The following PCGF3 variants were observed in gnomAD, a reference collection of about 807,000 sequenced individuals.
The protein encoded by PCGF3 is polycomb group RING finger protein 3.
A neutral mutation model predicts 33.1 loss-of-function variants in PCGF3; 7 were observed. That is an observed-to-expected ratio of 0.21 (90% confidence interval 0.12 to 0.40). PCGF3 has a LOEUF of 0.40. Among genes scored for constraint, PCGF3 ranks in the 10% least tolerant of loss-of-function variants. The probability of loss-of-function intolerance (pLI) is 1.00; values close to 1 mark genes in which losing one functional copy is unlikely to be tolerated. For synonymous variants in PCGF3, 153 were observed against 121.3 expected, an observed-to-expected ratio of 1.26 and a Z score of -1.72; for missense variants, 211 against 313.3, an observed-to-expected ratio of 0.67 and a Z score of 2.46.
rs1182870644 is a variant in PCGF3 at position 713,304 on chromosome 4, T to C, written c.-190+7334T>C. On this transcript the variant is annotated intron_variant, in intron 1 of 10. Coordinates refer to ENST00000362003, the Ensembl canonical transcript of PCGF3. The stretch of plus-strand genomic sequence containing the variant: ...GTGGGGGCTGTGGCCTCATGGGGGC[T>C]GTAGCCTTGTGGGTCCTGTGTGGCC... 1.2e-3 allele frequency among the ~76,000 whole-genome samples: 115 copies of C among 96,354 alleles called. 4 individuals are homozygous for C. Among genetic ancestry groups the C allele is most frequent in the Middle Eastern group, 6.3e-3 (1 of 160 alleles). The allele number at this position is 96,354 out of a possible 152,430, so 63.2% of individuals were successfully genotyped here.
At chr4:766,986 C>T (rs1377995064) in exon 11 of PCGF3, 3 of 152,374 alleles carry the variant, frequency 2.0e-5, no homozygotes. Flanking sequence ...GATCAGAGCT[C>T]TCCTGGCATC....
chr4:756,587 G>T (rs1577439157), intron 8 of PCGF3, among the ~76,000 whole-genome samples: 1 of 151,986 alleles, frequency 6.6e-6, no homozygotes, highest in Non-Finnish European at 1.5e-5. Flanking sequence ...AATAATTCTA[G>T]AATTTTCATG....
exon 11 of PCGF3, chr4:769,585 CAG>C (rs1166243119): frequency 1.7e-4 from 26 of 152,768 alleles, no homozygotes; most frequent in African/African-American, 5.1e-4. Flanking sequence ...TTGTACGGGA[CAG>C]GGTGCGGGCA....
chr4:734,545 A>G (rs756613893), intron 4 of PCGF3: 60 of 1,168,362 alleles, frequency 5.1e-5, no homozygotes, highest in Non-Finnish European at 6.1e-5. Flanking sequence ...GGTTATTTTC[A>G]TTTGATTTTA....
In PCGF3 at chr4:765,965, C is replaced by T. The variant is rs145498877; in HGVS notation, c.682-67C>T. 2,591 of 1,438,036 alleles carry T rather than the reference C, an allele frequency of 1.8e-3. 19 individuals carry two copies. In the African/African-American group the frequency reaches 0.022, roughly 12 times the overall value. The allele number at this position is 1,438,036 out of a possible 1,614,324, so 89.1% of individuals were successfully genotyped here. ...GGACGTGATTCCTCAGCACCCTTCCCGATGAAGTAGGTCCTTCTCGCCTCC... is the reference window on the plus strand; with the variant it reads ...GGACGTGATTCCTCAGCACCCTTCCTGATGAAGTAGGTCCTTCTCGCCTCC... On this transcript the variant is annotated intron_variant, in intron 10 of 10. Transcript: ENST00000362003.
At chr4:735,081 C>T in intron 5 of PCGF3, 54 bp downstream of exon 5, 6 of 1,567,636 alleles carry the variant, frequency 3.8e-6, no homozygotes, top group Non-Finnish European at 5.2e-6. Context: ...CCCTGGGCGT[C>T]TCTGTGTGTG....
intron 1 of PCGF3, among the ~76,000 whole-genome samples, chr4:707,972 T>A (rs1742401321): frequency 7.8e-6 from 1 of 127,798 alleles, no homozygotes. Context: ...GGGACAGCCC[T>A]GTTTTCCCCT....
At chr4:766,444 A>C in exon 11 of PCGF3, 1 of 183,060 alleles carries the variant, frequency 5.5e-6, no homozygotes, top group Non-Finnish European at 1.1e-5. Flanking sequence ...TAGTTTATGA[A>C]TTTTAGGTTT....
chr4:740,314 T>G (rs561627233), intron 6 of PCGF3, among the ~76,000 whole-genome samples: 1 of 152,276 alleles, frequency 6.6e-6, no homozygotes, highest in Admixed American at 6.5e-5. Context: ...GGAAGAGAGT[T>G]CCCTGCTAGA....
chr4:768,098 A>G (rs1745458473), exon 11 of PCGF3: 1 of 152,696 alleles, frequency 6.5e-6, no homozygotes, highest in Non-Finnish European at 1.5e-5. Flanking sequence ...AAATCACTTG[A>G]CTTTGCAATG....
At chr4:758,654 C>G (rs1393202148) in intron 8 of PCGF3, among the ~76,000 whole-genome samples, 39 of 106,236 alleles carry the variant, frequency 3.7e-4, no homozygotes, top group South Asian at 2.3e-3. Context: ...AGTTCTTCTC[C>G]TTCCGGACTC....
intron 8 of PCGF3, among the ~76,000 whole-genome samples, chr4:751,562 C>T (rs961922497): frequency 6.6e-6 from 1 of 152,076 alleles, no homozygotes; most frequent in Admixed American, 6.5e-5. Context: ...ACTCTTAAGC[C>T]CTCCTCAGTC....
At chr4:736,619 C>T (rs1441015366) in intron 5 of PCGF3, among the ~76,000 whole-genome samples, 1 of 113,056 alleles carries the variant, frequency 8.8e-6, no homozygotes, top group Admixed American at 8.3e-5. Flanking sequence ...GGGACGGTGT[C>T]CCCTGAGCAC....
At chr4:733,974 G>A (rs1180037855) in intron 4 of PCGF3, 185 bp downstream of exon 4, 4 of 1,551,402 alleles carry the variant, frequency 2.6e-6, no homozygotes, top group Middle Eastern at 1.7e-4. Flanking sequence ...AAGGTCCTGT[G>A]GGTGGTGTCA....
chr4:721,128 G>A lies in PCGF3; in HGVS notation c.-189-9502G>A, dbSNP rs1260374023. Among the ~76,000 whole-genome samples the A allele has an allele frequency of 6.6e-6, 1 of 152,030 alleles. No individual in the cohort carries two copies. Among genetic ancestry groups the A allele is most frequent in the African/African-American group, 2.4e-5 (1 of 41,394 alleles). On this transcript the variant is annotated intron_variant, in intron 1 of 10. Transcript: ENST00000362003. The surrounding 1 kb of genome is among the most constrained non-coding windows in gnomAD (Gnocchi z 4.1). ...GGGGAGGGAACGCTGCTTGTCGGGC[G>A]GTGGTGACGATTTCATGGATGTTTG... is the stretch of plus-strand genomic sequence containing the variant.
At chr4:733,081 C>A (rs373362838) in intron 3 of PCGF3, among the ~76,000 whole-genome samples, 5,068 of 54,954 alleles carry the variant, frequency 0.092, 139 homozygotes, top group South Asian at 0.22. Context: ...CGCCCCTGCC[C>A]CGTGCTGCCT....
chr4:736,708 G>A (rs1192113472), intron 5 of PCGF3, among the ~76,000 whole-genome samples: 3 of 150,480 alleles, frequency 2.0e-5, no homozygotes, highest in Non-Finnish European at 3.0e-5. Flanking sequence ...CGGGGTGTCC[G>A]CAGGGACGGT....
At chr4:748,465 C>T (rs1177413290) in intron 8 of PCGF3, among the ~76,000 whole-genome samples, 1 of 152,214 alleles carries the variant, frequency 6.6e-6, no homozygotes, top group East Asian at 1.9e-4. Flanking sequence ...GGGTTACAGG[C>T]ATGAGCCACC....
At chr4:733,892 C>T (rs544655837) in intron 4 of PCGF3, 103 bp downstream of exon 4, 15 of 1,593,492 alleles carry the variant, frequency 9.4e-6, no homozygotes, top group East Asian at 2.3e-5. Context: ...AGCTCAAGCC[C>T]GACAAAAGCA....
Sources: gnomAD v4.1 joint callset for allele counts (sites outside exome capture counted in the v4.1 genomes callset) on GRCh38, gnomAD v4.1.1 for gene constraint, Gnocchi (gnomAD v3.1) non-coding constraint, MANE v1.5 for transcripts, NCBI Gene and HGNC (gene_info 2026-07-23, HGNC 2026-07-21) for gene names.